DSE: variants seen among roughly 807,000 people sequenced by gnomAD.
DSE encodes the protein dermatan-sulfate epimerase.
In DSE, 36 loss-of-function variants were observed where a neutral mutation model predicts 84.4. That is an observed-to-expected ratio of 0.43 (90% CI 0.33 to 0.56). The LOEUF (loss-of-function observed/expected upper bound fraction) is 0.56, where lower values mean the gene tolerates loss of function less well. Ranked by LOEUF, DSE falls within the 20% of genes least tolerant of loss-of-function variation. DSE has a pLI of 0.06. For synonymous variants in DSE, 410 were observed against 430.1 expected, an observed-to-expected ratio of 0.95 and a Z score of 0.58; for missense variants, 862 against 1,169.6, an observed-to-expected ratio of 0.74 and a Z score of 3.84.
exon 2 of DSE, chr6:116,258,857 G>C: frequency 1.2e-6 from 2 of 1,607,676 alleles, no homozygotes; most frequent in Non-Finnish European, 1.7e-6. Context: ...ACAGTCATGA[G>C]CTTCTTGCCG....
intron 2 of DSE, among the ~76,000 whole-genome samples, chr6:116,404,912 G>A (rs1325552279): frequency 2.0e-5 from 3 of 151,444 alleles, no homozygotes; most frequent in Non-Finnish European, 4.4e-5. Context: ...ATTGGAGCCA[G>A]TTAGCTACAG....
chr6:116,415,105 G>T (rs1782614422), intron 2 of DSE, among the ~76,000 whole-genome samples: 1 of 152,176 alleles, frequency 6.6e-6, no homozygotes. Context: ...AATTTAGGTG[G>T]AGATATTTTC....
intron 2 of DSE, among the ~76,000 whole-genome samples, chr6:116,269,463 A>G (rs1388959423): frequency 6.6e-6 from 1 of 152,222 alleles, no homozygotes; most frequent in East Asian, 1.9e-4. Context: ...AAGTTGAGAA[A>G]CAAAAGTCAT....
chr6:116,397,179 C>G (rs1427192401), intron 1 of DSE, among the ~76,000 whole-genome samples: 1 of 144,812 alleles, frequency 6.9e-6, no homozygotes, highest in African/African-American at 2.5e-5. Flanking sequence ...TTTTTTTAAT[C>G]GTTAGCGGTA....
chr6:116,268,343 A>G (rs568959083), intron 2 of DSE, among the ~76,000 whole-genome samples: 1 of 152,344 alleles, frequency 6.6e-6, no homozygotes, highest in East Asian at 1.9e-4. Flanking sequence ...GCAATAGACT[A>G]TACCATAGAG....
intron 2 of DSE, among the ~76,000 whole-genome samples, chr6:116,268,080 G>A (rs552134969): frequency 2.0e-5 from 3 of 152,238 alleles, no homozygotes; most frequent in Admixed American, 6.5e-5. Context: ...ACCTTCACAT[G>A]CGCTTACCAC....
rs561258510 is a variant in DSE, at chr6:116,356,406, A to G, written c.-53-42792A>G. The stretch of plus-strand genomic sequence containing the variant: ...GCTAGTCAAGATTTCAAAGACTTAC[A>G]CTAAAACCATAATGTTTTGGACATA... On this transcript the variant is annotated intron_variant, in intron 2 of 3. Transcript: ENST00000430252. Among the ~76,000 whole-genome samples the G allele has an allele frequency of 8.9e-4, 135 of 152,318 alleles. 2 individuals are homozygous for G. The South Asian group carries it at 0.019, about 21-fold the overall frequency.
chr6:116,278,349 C>G lies in DSE; in HGVS notation c.-54+19382C>G. ...TGGAAGTGGAGAAGCATACCCACCA[C>G]CGTCTCAATCTTGAGGTTGAGAGAA... is the stretch of plus-strand genomic sequence containing the variant. On this transcript the variant is annotated intron_variant, in intron 2 of 3. Transcript: ENST00000430252. 5.1e-6 allele frequency: 4 copies of G among 785,112 alleles called. No homozygotes were observed. The South Asian group carries it at 6.9e-5, about 14-fold the overall frequency. The allele number at this position is 785,112 out of a possible 1,614,324, so 48.6% of individuals were successfully genotyped here.
chr6:116,383,390 A>G (rs1455996661), intron 1 of DSE, among the ~76,000 whole-genome samples: 3 of 152,152 alleles, frequency 2.0e-5, no homozygotes, highest in Non-Finnish European at 4.4e-5. Context: ...GTTTGGGTGG[A>G]GAAGTATACA....
At chr6:116,388,537 T>C (rs908156137) in intron 1 of DSE, among the ~76,000 whole-genome samples, 1 of 152,086 alleles carries the variant, frequency 6.6e-6, no homozygotes, top group Admixed American at 6.5e-5. Flanking sequence ...AGGGGGAGAA[T>C]TGGTGATACA....
At chr6:116,400,960 C>T (rs1184461756) in intron 2 of DSE, 3 of 152,096 alleles carry the variant, frequency 2.0e-5, no homozygotes, top group Admixed American at 6.5e-5. Context: ...AAACCTTTGT[C>T]ATCTAGAAGG....
rs112987822 is a variant in DSE at position 116,415,489 on chromosome 6, C to G, written c.417-11085C>G. 7.0e-3 allele frequency among the ~76,000 whole-genome samples: 1,061 copies of G among 151,268 alleles called. 12 individuals are homozygous for G. The highest frequency in any genetic ancestry group is 0.025 in the African/African-American group (1,024 of 41,340). ...GGAAACTTATCCCCTTTAGTTCTAGCAATTTTCCTTGATATATTTGGATCT... is the reference window on the plus strand; with the variant it reads ...GGAAACTTATCCCCTTTAGTTCTAGGAATTTTCCTTGATATATTTGGATCT... On this transcript the variant is annotated intron_variant, in intron 2 of 5. Coordinates refer to ENST00000644252, the MANE Select transcript of DSE (RefSeq NM_013352.4).
chr6:116,331,975 A>T (rs1012647543), intron 2 of DSE, among the ~76,000 whole-genome samples: 1 of 151,888 alleles, frequency 6.6e-6, no homozygotes, highest in Non-Finnish European at 1.5e-5. Context: ...GAACAAGTAA[A>T]ACTGCCATTA....
intron 2 of DSE, among the ~76,000 whole-genome samples, chr6:116,284,669 C>A (rs1428785136): frequency 8.1e-6 from 1 of 123,830 alleles, no homozygotes; most frequent in African/African-American, 3.0e-5. Context: ...CCCCTCCCCC[C>A]TCCCCCAACC....
chr6:116,333,402 GAA>G (rs1777066212), intron 2 of DSE, among the ~76,000 whole-genome samples: 2 of 152,114 alleles, frequency 1.3e-5, no homozygotes, highest in Non-Finnish European at 2.9e-5. Context: ...ATGAAACAGA[GAA>G]AAAGAGGGCC....
At chr6:116,433,596 T>C (rs1041422509) in intron 5 of DSE, 46 bp downstream of exon 5, 1 of 1,563,212 alleles carries the variant, frequency 6.4e-7, no homozygotes, top group African/African-American at 1.4e-5. Flanking sequence ...TACCCAAGGG[T>C]ACTATTCATG....
intron 5 of DSE, among the ~76,000 whole-genome samples, chr6:116,433,795 G>A (rs1239743294): frequency 6.6e-6 from 1 of 152,050 alleles, no homozygotes; most frequent in African/African-American, 2.4e-5. Flanking sequence ...GTATACCCAG[G>A]TAGTGAGCAT....
chr6:116,355,970 C>T (rs954970599), intron 2 of DSE, among the ~76,000 whole-genome samples: 2 of 152,216 alleles, frequency 1.3e-5, no homozygotes, highest in Admixed American at 6.5e-5. Flanking sequence ...AAACATAGTT[C>T]GCCCAATAAC....
chr6:116,313,322 C>T (rs939131167), intron 2 of DSE, among the ~76,000 whole-genome samples: 3 of 152,180 alleles, frequency 2.0e-5, no homozygotes, highest in African/African-American at 4.8e-5. Context: ...TTATTTTAAG[C>T]CATGCAGTTT....
Sources: gnomAD v4.1 joint callset for allele counts (sites outside exome capture counted in the v4.1 genomes callset) on GRCh38, gnomAD v4.1.1 for gene constraint, MANE v1.5 for transcripts, NCBI Gene and HGNC (gene_info 2026-07-23, HGNC 2026-07-21) for gene names.